Variants in HNF4G observed in about 807,000 individuals in gnomAD.
HNF4G encodes hepatocyte nuclear factor 4-gamma.
HNF4G carries 21 observed loss-of-function variants against 50.9 expected under a neutral mutation model. That is an observed-to-expected ratio of 0.41 (90% CI 0.29 to 0.59). HNF4G has a LOEUF of 0.59. Ranked by LOEUF, HNF4G falls within the 20% of genes least tolerant of loss-of-function variation. HNF4G has a pLI of 0.26. For synonymous variants in HNF4G, 198 were observed against 185.6 expected, an observed-to-expected ratio of 1.07 and a Z score of -0.54; for missense variants, 527 against 559.4, an observed-to-expected ratio of 0.94 and a Z score of 0.58.
chr8:75,422,529 G>T (rs1471564994), intron 1 of HNF4G, among the ~76,000 whole-genome samples: 1 of 152,140 alleles, frequency 6.6e-6, no homozygotes, highest in African/African-American at 2.4e-5. Flanking sequence ...ACTTTGTAAG[G>T]CTATAGATTT....
intron 1 of HNF4G, among the ~76,000 whole-genome samples, chr8:75,422,637 T>C (rs1403303418): frequency 2.7e-5 from 4 of 150,808 alleles, no homozygotes; most frequent in Admixed American, 2.0e-4. Flanking sequence ...TGCTGCATTA[T>C]CTTTTTTTTT....
chr8:75,545,974 A>T (rs990706241), intron 2 of HNF4G, among the ~76,000 whole-genome samples: 15 of 151,996 alleles, frequency 9.9e-5, no homozygotes, highest in Non-Finnish European at 4.4e-5. Context: ...CCTTGTTCTC[A>T]CTCTGAAAGC....
intron 5 of HNF4G, among the ~76,000 whole-genome samples, chr8:75,554,415 T>C (rs1314779366): frequency 1.3e-5 from 2 of 152,188 alleles, no homozygotes; most frequent in Non-Finnish European, 2.9e-5. Context: ...ATATTAACAG[T>C]ATAACATTTA....
At chr8:75,563,294 A>T (rs936946534) in intron 9 of HNF4G, among the ~76,000 whole-genome samples, 10 of 152,246 alleles carry the variant, frequency 6.6e-5, no homozygotes, top group African/African-American at 2.4e-4. Flanking sequence ...TAGACAATGA[A>T]GTTTTGAAAC....
chr8:75,545,729 T>G (rs1489950656), intron 2 of HNF4G, among the ~76,000 whole-genome samples: 1 of 152,166 alleles, frequency 6.6e-6, no homozygotes, highest in Non-Finnish European at 1.5e-5. Context: ...TTTCACATTA[T>G]GTACAATTTG....
At chr8:75,515,453 A>G (rs1445655401) in intron 2 of HNF4G, among the ~76,000 whole-genome samples, 2 of 152,150 alleles carry the variant, frequency 1.3e-5, no homozygotes, top group East Asian at 1.9e-4. Context: ...ATTGGCTCAC[A>G]TGATTGTTAA....
intron 1 of HNF4G, among the ~76,000 whole-genome samples, chr8:75,431,539 A>C (rs577661147): frequency 7.8e-4 from 119 of 152,328 alleles, no homozygotes; most frequent in African/African-American, 2.6e-3. Context: ...AATTGAGTTA[A>C]ATTTTCAATT....
At chr8:75,556,611 G>A (rs1415868243) in intron 6 of HNF4G, among the ~76,000 whole-genome samples, 1 of 152,116 alleles carries the variant, frequency 6.6e-6, no homozygotes, top group Non-Finnish European at 1.5e-5. Context: ...GTGGGGTAGA[G>A]AAGACATAAA....
chr8:75,535,361 T>A (rs939907932), upstream of HNF4G, among the ~76,000 whole-genome samples: 5 of 151,602 alleles, frequency 3.3e-5, no homozygotes, highest in South Asian at 2.1e-4. Context: ...GATTTTTTTT[T>A]AATTGAGATC....
At chr8:75,445,761 C>T (rs1459604336) in intron 1 of HNF4G, among the ~76,000 whole-genome samples, 5 of 145,272 alleles carry the variant, frequency 3.4e-5, no homozygotes, top group Non-Finnish European at 7.5e-5. Context: ...AGACCAATAA[C>T]AGGAGCTGAA....
At chr8:75,412,719 A>ATT (rs547738408) in intron 1 of HNF4G, among the ~76,000 whole-genome samples, 37 of 148,906 alleles carry the variant, frequency 2.5e-4, no homozygotes, top group African/African-American at 7.9e-4. Context: ...GTGTTTTAGA[A>ATT]TTTTTTTTTT....
chr8:75,556,003 G>T lies in HNF4G; in HGVS notation c.667G>T (p.Ala223Ser), dbSNP rs758363180. ...TAAGGTGGCACTGTTGAGAGCTCAC[G>T]CAGGGGAGCACTTACTGCTTGGAGC... ...DDQVALLRAH[A>S]GEHLLLGATK... The change falls in exon 6 of 10, where the codon GCA (alanine) becomes TCA (serine). Residue 223 changes from alanine to serine, a missense_variant. Ala to Ser is a moderately conservative substitution (Grantham distance 99). This residue lies in a region of HNF4G where 308 missense variants were observed against 301.5 expected (regional missense o/e 1.02). Coordinates refer to ENST00000396423, the MANE Select transcript of HNF4G (RefSeq NM_004133.5). The T allele has an allele frequency of 1.3e-6, 2 of 1,577,160 alleles. No homozygotes were observed. The highest frequency in any genetic ancestry group is 1.7e-5 in the Admixed American group (1 of 57,502).
chr8:75,550,499 G>C (rs1806917988), intron 3 of HNF4G, among the ~76,000 whole-genome samples: 1 of 151,946 alleles, frequency 6.6e-6, no homozygotes, highest in African/African-American at 2.4e-5. Flanking sequence ...TTTTAGTAGA[G>C]ACGAGGTTTC....
chr8:75,484,522 T>C (rs1364935061), intron 1 of HNF4G, among the ~76,000 whole-genome samples: 1 of 152,242 alleles, frequency 6.6e-6, no homozygotes, highest in Non-Finnish European at 1.5e-5. Flanking sequence ...AGCTTAAGTG[T>C]TTCTTTCTCA....
intron 1 of HNF4G, among the ~76,000 whole-genome samples, chr8:75,417,183 T>C (rs1328708134): frequency 6.6e-6 from 1 of 152,192 alleles, no homozygotes; most frequent in Non-Finnish European, 1.5e-5. Flanking sequence ...TATTTTTATT[T>C]TTTATAGATG....
rs944854633 is a variant in HNF4G at position 75,468,852 on chromosome 8, A to T, written c.-143-21237A>T. On this transcript the variant is annotated intron_variant, in intron 1 of 10. Transcript: ENST00000354370. ...ATCTAGAAAGCAAGTTAAGACAAGT[A>T]GATTATGATTTTATGGGAAACCAAA... Among the ~76,000 whole-genome samples the T allele has an allele frequency of 2.6e-5, 4 of 152,234 alleles. No homozygotes were observed. The South Asian group carries it at 8.3e-4, about 32-fold the overall frequency.
At chr8:75,505,896 T>C (rs1813066279) in intron 2 of HNF4G, among the ~76,000 whole-genome samples, 1 of 152,114 alleles carries the variant, frequency 6.6e-6, no homozygotes, top group Non-Finnish European at 1.5e-5. Flanking sequence ...CTTGACAGTC[T>C]GTTTGTAATA....
At chr8:75,516,764 T>C (rs780229810) in intron 2 of HNF4G, among the ~76,000 whole-genome samples, 7 of 152,200 alleles carry the variant, frequency 4.6e-5, no homozygotes, top group Non-Finnish European at 5.9e-5. Context: ...TTTAAGATTG[T>C]TATGTCTTCT....
At chr8:75,488,865 C>T (rs1354645999) in intron 1 of HNF4G, among the ~76,000 whole-genome samples, 1 of 152,042 alleles carries the variant, frequency 6.6e-6, no homozygotes, top group East Asian at 1.9e-4. Context: ...TCGGTTTGGT[C>T]AGAAAAGCAG....
Sources: allele counts gnomAD v4.1 joint callset (sites outside exome capture counted in the v4.1 genomes callset), GRCh38; gene constraint gnomAD v4.1.1; regional missense constraint gnomAD v4.1.1; transcripts MANE v1.5; gene names NCBI Gene and HGNC (gene_info 2026-07-23, HGNC 2026-07-21).